EPB42: variants seen among roughly 807,000 people sequenced by gnomAD.
EPB42 encodes erythrocyte membrane protein band 4.2.
EPB42 carries 49 observed loss-of-function variants against 76.9 expected under a neutral mutation model. The ratio of observed to expected loss-of-function variants is 0.64; its 90% CI spans 0.51 to 0.81. The LOEUF (loss-of-function observed/expected upper bound fraction) is 0.81. Among genes scored for constraint, EPB42 ranks in the 30% least tolerant of loss-of-function variants. The pLI, the probability that EPB42 is intolerant of heterozygous loss-of-function variation, is 0.00. For synonymous variants in EPB42, 310 were observed against 338.4 expected, an observed-to-expected ratio of 0.92 and a Z score of 0.92; for missense variants, 731 against 867.6, an observed-to-expected ratio of 0.84 and a Z score of 1.98.
intron 1 of EPB42, 186 bp downstream of exon 1, chr15:43,220,630 A>C: frequency 1.8e-6 from 2 of 1,137,226 alleles, no homozygotes; most frequent in African/African-American, 1.6e-5. Context: ...TATCACCTCT[A>C]CCAGCACCCA....
intron 2 of EPB42, among the ~76,000 whole-genome samples, 164 bp from the exon 3 acceptor site, chr15:43,215,492 G>A (rs1001294459): frequency 6.6e-6 from 1 of 152,194 alleles, no homozygotes; most frequent in Non-Finnish European, 1.5e-5. Flanking sequence ...TGATAGGAGA[G>A]CAAAGGCTTT....
chr15:43,201,761 C>G lies in EPB42; in HGVS notation c.1913+83G>C, dbSNP rs561607880. On this transcript the variant is annotated intron_variant, in intron 12 of 12. Transcript: ENST00000441366. ...GTATCTGCTGTCTGCATGGACATGG[C>G]AAAGAGAGAGTTTCTCTCTTGGGCC... 3.8e-6 allele frequency: 6 copies of G among 1,598,314 alleles called. No individual in the cohort carries two copies. The South Asian group carries it at 6.6e-5, about 18-fold the overall frequency.
At chr15:43,217,010 A>C (rs2042387891) in intron 1 of EPB42, among the ~76,000 whole-genome samples, 1 of 152,220 alleles carries the variant, frequency 6.6e-6, no homozygotes, top group Non-Finnish European at 1.5e-5. Flanking sequence ...TCACAGCTCT[A>C]TGCAGCCCAG....
intron 6 of EPB42, 132 bp from the exon 7 acceptor site, chr15:43,208,907 G>A (rs905520931): frequency 3.7e-6 from 4 of 1,091,654 alleles, no homozygotes; most frequent in African/African-American, 3.2e-5. Flanking sequence ...GAACCTAGAA[G>A]TGGCAGCCAA....
rs147955279 is a variant in EPB42 at position 43,199,884 on chromosome 15, C to T, written c.1913+1960G>A. On this transcript the variant is annotated intron_variant, in intron 12 of 12. Transcript: ENST00000441366. ...TCGCTTCTTCCTCATTTTCTCTTGCCACCACCATGTTATAAATGCCTTTCA... is the reference window on the plus strand; with the variant it reads ...TCGCTTCTTCCTCATTTTCTCTTGCTACCACCATGTTATAAATGCCTTTCA... Among the ~76,000 whole-genome samples the T allele has an allele frequency of 9.2e-5, 14 of 152,242 alleles. No individual in the cohort carries two copies. In the East Asian group the frequency reaches 2.7e-3, roughly 29 times the overall value.
chr15:43,203,102 G>T lies in EPB42; in HGVS notation c.1779+13C>A. The T allele has an allele frequency of 6.2e-7, 1 of 1,613,988 alleles. No homozygotes were observed. The highest frequency in any genetic ancestry group is 8.5e-7 in the Non-Finnish European group (1 of 1,179,984). On this transcript the variant is annotated intron_variant, in intron 11 of 12. Transcript: ENST00000441366. The stretch of plus-strand genomic sequence containing the variant: ...GGCAGACGAGGGCAACTCAGGGGAG[G>T]ACTGGTGCCTACCTTGATGGCAAGG...
rs2042221006 is a variant in EPB42 at position 43,207,353 on chromosome 15, G to A, written c.1164C>T (p.Ala388=). The A allele has an allele frequency of 2.5e-6, 4 of 1,614,178 alleles. No individual in the cohort carries two copies. The highest frequency in any genetic ancestry group is 2.5e-6 in the Non-Finnish European group (3 of 1,180,018). The change falls in exon 9 of 13, where the codon GCC becomes GCT. Residue 388 remains alanine (A), a synonymous_variant. Transcript: ENST00000441366. ...TCCAGACCACACATGAGGCATTTAT[G>A]GCAGCAAAAAGGTCTGACACTGCTG... is the stretch of plus-strand genomic sequence containing the variant. ...LTPAVSDLFA[A]INASCVVWKC... is the part of the protein sequence containing the mutation.
chr15:43,201,773 TTC>T (rs2042129407), intron 12 of EPB42, 69 bp downstream of exon 12: 1 of 1,588,568 alleles, frequency 6.3e-7, no homozygotes, highest in Non-Finnish European at 8.6e-7. Flanking sequence ...AAGAGAGAGT[TTC>T]TCTCTTGGGC....
intron 12 of EPB42, 137 bp from the exon 13 acceptor site, chr15:43,197,601 GA>G: frequency 9.8e-7 from 1 of 1,022,236 alleles, no homozygotes; most frequent in Non-Finnish European, 1.4e-6. Flanking sequence ...TATTAAAATG[GA>G]AGTGTTTATA....
chr15:43,216,136 C>T, intron 2 of EPB42, 132 bp downstream of exon 2: 3 of 1,098,496 alleles, frequency 2.7e-6, no homozygotes, highest in Non-Finnish European at 4.0e-6. Context: ...ACTGCCCTGC[C>T]AGGTGGGCAG....
intron 10 of EPB42, 97 bp from the exon 11 acceptor site, chr15:43,203,372 T>G (rs758551627): frequency 6.3e-5 from 93 of 1,483,850 alleles, no homozygotes; most frequent in Non-Finnish European, 8.5e-5. Flanking sequence ...AGGGCCTCAC[T>G]GAGGCCAGAA....
At chr15:43,221,821 T>TAA (rs56939497), upstream of EPB42, among the ~76,000 whole-genome samples, 1,236 of 107,378 alleles carry the variant, frequency 0.012, 28 homozygotes, top group East Asian at 0.042. Context: ...TCTTATTATG[T>TAA]AAAAAAAAAA....
chr15:43,212,380 A>G (rs1258271749), intron 3 of EPB42, among the ~76,000 whole-genome samples: 1 of 149,592 alleles, frequency 6.7e-6, no homozygotes, highest in African/African-American at 2.5e-5. Flanking sequence ...AAAAAAAAAA[A>G]AAAAAAGAAA....
chr15:43,198,938 G>T (rs941398067), intron 12 of EPB42, among the ~76,000 whole-genome samples: 1 of 152,240 alleles, frequency 6.6e-6, no homozygotes, highest in Non-Finnish European at 1.5e-5. Context: ...TCCAAATGGT[G>T]TTGAGCCTAT....
At chr15:43,202,050 CT>C (rs1387773382) in intron 11 of EPB42, 73 bp from the exon 12 acceptor site, 61 of 1,604,992 alleles carry the variant, frequency 3.8e-5, no homozygotes, top group Non-Finnish European at 3.7e-5. Flanking sequence ...CCATGCACCC[CT>C]GTACCCTCCT....
upstream of EPB42, among the ~76,000 whole-genome samples, chr15:43,224,083 A>G (rs909499223): frequency 6.6e-5 from 10 of 152,190 alleles, no homozygotes; most frequent in Non-Finnish European, 1.5e-4. Flanking sequence ...AACAACAGAT[A>G]TTTATGTTTT....
rs111367706 is a variant in EPB42 at position 43,197,413 on chromosome 15, C to T, written c.1965G>A (p.Thr655=). The T allele has an allele frequency of 1.6e-4, 265 of 1,614,094 alleles. No individual in the cohort carries two copies. In the African/African-American group the frequency reaches 2.9e-3, roughly 17 times the overall value. Residue 655 remains threonine (T), a synonymous_variant, in exon 13 of 13, where the codon ACG becomes ACA. Transcript: ENST00000441366. The part of the protein sequence containing the change: ...ENTMCAKFQF[T]PTHVGLQRLT... ...GTCTCTGGAGCCCCACATGTGTTGG[C>T]GTGAACTGGAACTTGGCACACATGG...
chr15:43,217,919 T>C (rs991776057), intron 1 of EPB42, among the ~76,000 whole-genome samples: 23 of 152,176 alleles, frequency 1.5e-4, no homozygotes, highest in Admixed American at 1.2e-3. Context: ...AAGATGCCAA[T>C]GATGTCTATT....
chr15:43,208,006 G>A (rs1040673582), intron 8 of EPB42, among the ~76,000 whole-genome samples: 2 of 152,138 alleles, frequency 1.3e-5, no homozygotes, highest in Non-Finnish European at 2.9e-5. Context: ...CAGCTCTAAG[G>A]TGCCTCATCT....
Sources: allele counts gnomAD v4.1 joint callset (sites outside exome capture counted in the v4.1 genomes callset), GRCh38; gene constraint gnomAD v4.1.1; transcripts MANE v1.5; gene names NCBI Gene and HGNC (gene_info 2026-07-23, HGNC 2026-07-21).